NACC2: variants seen among roughly 807,000 people sequenced by gnomAD.
NACC2 encodes the protein nucleus accumbens-associated protein 2.
NACC2 carries 8 observed loss-of-function variants against 25.1 expected under a neutral mutation model. The ratio of observed to expected loss-of-function variants is 0.32; its 90% confidence interval spans 0.19 to 0.57. The LOEUF (loss-of-function observed/expected upper bound fraction) is 0.57. Among genes scored for constraint, NACC2 ranks in the 20% least tolerant of loss-of-function variants. NACC2 has a pLI of 0.89. For synonymous variants in NACC2, 435 were observed against 294.7 expected, an observed-to-expected ratio of 1.48 and a Z score of -4.88; for missense variants, 644 against 650.2, an observed-to-expected ratio of 0.99 and a Z score of 0.10.
intron 2 of NACC2, among the ~76,000 whole-genome samples, chr9:136,048,202 C>A (rs1364732281): frequency 6.6e-6 from 1 of 152,216 alleles, no homozygotes; most frequent in Non-Finnish European, 1.5e-5. Flanking sequence ...GAGCTCCTTC[C>A]CAACAGGGGC....
At chr9:136,034,098 C>G (rs1445250657) in intron 2 of NACC2, among the ~76,000 whole-genome samples, 1 of 151,994 alleles carries the variant, frequency 6.6e-6, no homozygotes, top group Non-Finnish European at 1.5e-5. Flanking sequence ...TAGGGAAAAA[C>G]AGAGAGATCA....
chr9:136,073,439 T>A (rs994958593), intron 1 of NACC2, among the ~76,000 whole-genome samples: 5 of 96,344 alleles, frequency 5.2e-5, no homozygotes, highest in African/African-American at 1.4e-4. Flanking sequence ...AAAAAAAAAT[T>A]TTTAATAAAA....
chr9:136,079,103 A>G (rs528000117), intron 1 of NACC2, among the ~76,000 whole-genome samples: 2 of 152,038 alleles, frequency 1.3e-5, no homozygotes, highest in African/African-American at 4.8e-5. Context: ...TAGGGCACGT[A>G]ACCTGAAATC....
At chr9:136,093,472 G>C (rs558392454) in intron 1 of NACC2, among the ~76,000 whole-genome samples, 1 of 152,142 alleles carries the variant, frequency 6.6e-6, no homozygotes, top group Non-Finnish European at 1.5e-5. Context: ...AGATCTCCCG[G>C]GTGGCTCCTC....
In NACC2 at chr9:136,070,776, A is replaced by C. The variant is rs557500798; in HGVS notation, c.-59-20196T>G. Among the ~76,000 whole-genome samples, 43 of 151,876 alleles carry C rather than the reference A, an allele frequency of 2.8e-4. 2 individuals carry two copies. The South Asian group carries it at 8.3e-3, about 29-fold the overall frequency. On this transcript the variant is annotated intron_variant, in intron 1 of 5. Transcript: ENST00000277554. ...GAAAACAAGAACAGAGGAGGAAAAA[A>C]ATCAATGAAACAGCTGGGTTTTTGA...
At chr9:136,027,082 C>T (rs182805233) in intron 2 of NACC2, among the ~76,000 whole-genome samples, 7 of 152,082 alleles carry the variant, frequency 4.6e-5, no homozygotes, top group East Asian at 1.9e-4. Flanking sequence ...TAGAAACAGC[C>T]GGTGTGGTGG....
In NACC2 at chr9:136,058,118, A is replaced by G. The variant is rs1383880723; in HGVS notation, c.-59-7538T>C. ...AGCCACTGGGGGCGGGGGGGGCCCA[A>G]TGACGCCTGGAGCCACACGCCTCTA... On this transcript the variant is annotated intron_variant, in intron 1 of 5. Coordinates refer to ENST00000277554, the MANE Select transcript of NACC2 (RefSeq NM_144653.5). Among the ~76,000 whole-genome samples, 7 of 152,258 alleles carry G rather than the reference A, an allele frequency of 4.6e-5. No individual in the cohort carries two copies. In the South Asian group the frequency reaches 1.4e-3, roughly 32 times the overall value.
chr9:136,028,147 G>C (rs546858227), intron 2 of NACC2, among the ~76,000 whole-genome samples: 9 of 150,362 alleles, frequency 6.0e-5, no homozygotes, highest in African/African-American at 2.2e-4. Flanking sequence ...TGTAATCCCA[G>C]CTACTTGAGA....
At chr9:136,034,158 T>A (rs1031021759) in intron 2 of NACC2, among the ~76,000 whole-genome samples, 420 of 152,194 alleles carry the variant, frequency 2.8e-3, no homozygotes, top group Non-Finnish European at 3.3e-3. Flanking sequence ...TACAGACTCC[T>A]GATACACAGC....
At chr9:136,071,078 T>C (rs1418298084) in intron 1 of NACC2, among the ~76,000 whole-genome samples, 1 of 150,244 alleles carries the variant, frequency 6.7e-6, no homozygotes, top group African/African-American at 2.5e-5. Flanking sequence ...AAAAAAACTT[T>C]AAAAATTCGC....
chr9:136,050,670 G>A (rs1037506799), intron 1 of NACC2, 90 bp from the exon 2 acceptor site: 17 of 646,284 alleles, frequency 2.6e-5, no homozygotes, highest in Middle Eastern at 4.0e-4. Flanking sequence ...CCCCCGCCGG[G>A]GGCTTACAAA....
At position 136,049,833 on chromosome 9, in the gene NACC2, G is replaced by A. The variant is rs1468084582; in HGVS notation, c.689C>T (p.Ala230Val). ...RVSYYGVPSL[A>V]TLIPGIQQMP... is the part of the protein sequence containing the mutation. Reference sequence around the variant, plus strand: ...CTGCTGGATGCCGGGGATGAGGGTGGCCAGGCTGGGCACCCCGTAGTAGGA... The same window carrying A: ...CTGCTGGATGCCGGGGATGAGGGTGACCAGGCTGGGCACCCCGTAGTAGGA... Residue 230 changes from alanine to valine, a missense_variant, in exon 2 of 6, where the codon GCC (alanine) becomes GTC (valine). Transcript: ENST00000277554. 5 of 714,860 alleles carry A rather than the reference G, an allele frequency of 7.0e-6. No homozygotes were observed. The highest frequency in any genetic ancestry group is 1.0e-5 in the Non-Finnish European group (4 of 383,780). The allele number at this position is 714,860 out of a possible 1,614,324, so 44.3% of individuals were successfully genotyped here.
At position 136,011,971 on chromosome 9, in the gene NACC2, C is replaced by A. The variant is rs573716696; in HGVS notation, c.1309G>T (p.Ala437Ser). 1.2e-6 allele frequency: 2 copies of A among 1,605,662 alleles called. No homozygotes were observed. Among genetic ancestry groups the A allele is most frequent in the Non-Finnish European group, 1.7e-6 (2 of 1,177,632 alleles). The change falls in exon 6 of 6, where the codon GCC becomes TCC. Residue 437 changes from alanine to serine, a missense_variant. Ala to Ser is a moderately conservative substitution (Grantham distance 99). Coordinates refer to ENST00000277554, the MANE Select transcript of NACC2 (RefSeq NM_144653.5). The stretch of plus-strand genomic sequence containing the variant: ...CGGGCGTTGGTGCACATGTCCGCGG[C>A]GATCACGTTCATCTCGCTCTCCTTG... Reference protein sequence around the residue: ...SFKESEMNVIAADMCTNARRV... With the variant: ...SFKESEMNVISADMCTNARRV...
At chr9:136,082,043 A>G (rs1830329693) in intron 1 of NACC2, among the ~76,000 whole-genome samples, 1 of 152,088 alleles carries the variant, frequency 6.6e-6, no homozygotes, top group Non-Finnish European at 1.5e-5. Context: ...CACTGGGCCC[A>G]TTTCTCCTTT....
intron 1 of NACC2, among the ~76,000 whole-genome samples, chr9:136,072,308 G>A (rs1841166684): frequency 6.6e-6 from 1 of 151,908 alleles, no homozygotes; most frequent in Admixed American, 6.6e-5. Flanking sequence ...CACATTGGGA[G>A]GCCACGGTGA....
At chr9:136,017,806 G>A (rs921269320) in intron 2 of NACC2, among the ~76,000 whole-genome samples, 1 of 115,874 alleles carries the variant, frequency 8.6e-6, no homozygotes, top group Admixed American at 8.5e-5. Context: ...GCCTTCACTA[G>A]GGAATCAATC....
chr9:136,021,550 G>T (rs1475038821), intron 2 of NACC2, among the ~76,000 whole-genome samples: 1 of 152,204 alleles, frequency 6.6e-6, no homozygotes, highest in Admixed American at 6.5e-5. Flanking sequence ...ACTGCTTGGT[G>T]GCTTCTTGTC....
intron 1 of NACC2, among the ~76,000 whole-genome samples, chr9:136,072,100 T>G (rs947608612): frequency 1.3e-5 from 2 of 151,740 alleles, no homozygotes; most frequent in Admixed American, 6.6e-5. Context: ...TAGCTGGGCA[T>G]GGTGATGTGC....
intron 1 of NACC2, among the ~76,000 whole-genome samples, chr9:136,082,828 C>T (rs952287649): frequency 4.6e-5 from 7 of 152,202 alleles, no homozygotes; most frequent in African/African-American, 1.7e-4. Flanking sequence ...GACTGCCCTC[C>T]CTCTCCCCAG....
Sources: gnomAD v4.1 joint callset for allele counts (sites outside exome capture counted in the v4.1 genomes callset) on GRCh38, gnomAD v4.1.1 for gene constraint, MANE v1.5 for transcripts, NCBI Gene and HGNC (gene_info 2026-07-23, HGNC 2026-07-21) for gene names.